The following ROBO2 variants were observed in gnomAD, a reference collection of about 807,000 sequenced individuals.
The protein encoded by ROBO2 is roundabout guidance receptor 2.
ROBO2 carries 53 observed loss-of-function variants against 160.8 expected under a neutral mutation model. The observed-to-expected ratio is 0.33, with a 90% CI of 0.26 to 0.41. The LOEUF (loss-of-function observed/expected upper bound fraction) is 0.41. Among genes scored for constraint, ROBO2 ranks in the 10% least tolerant of loss-of-function variants. The pLI, the probability that ROBO2 is intolerant of heterozygous loss-of-function variation, is 1.00. For missense variants in ROBO2, 1,577 were observed against 1,722.4 expected (o/e 0.92, Z 1.49); for synonymous variants, 664 against 611.7 (o/e 1.09, Z -1.26).
At chr3:76,106,568 C>T (rs1049729315) in intron 2 of ROBO2, among the ~76,000 whole-genome samples, 1 of 151,956 alleles carries the variant, frequency 6.6e-6, no homozygotes, top group Non-Finnish European at 1.5e-5. Context: ...GGATTATGTA[C>T]CTTCAGAGAC....
intron 2 of ROBO2, among the ~76,000 whole-genome samples, chr3:76,634,028 C>T (rs2090176113): frequency 6.6e-6 from 1 of 152,224 alleles, no homozygotes; most frequent in African/African-American, 2.4e-5. Context: ...GGAAAGAATA[C>T]TGTATTCATT....
intron 2 of ROBO2, among the ~76,000 whole-genome samples, chr3:76,687,333 G>A (rs2092706300): frequency 6.6e-6 from 1 of 151,918 alleles, no homozygotes; most frequent in African/African-American, 2.4e-5. Flanking sequence ...CATCATGTGA[G>A]AATTAAATGA....
intron 2 of ROBO2, among the ~76,000 whole-genome samples, chr3:77,376,081 C>T (rs2072607165): frequency 6.6e-6 from 1 of 151,366 alleles, no homozygotes; most frequent in South Asian, 2.1e-4. Context: ...CTACTGGTAG[C>T]AGATCCCATT....
At chr3:76,549,583 C>G (rs1182021732) in intron 2 of ROBO2, among the ~76,000 whole-genome samples, 1 of 152,174 alleles carries the variant, frequency 6.6e-6, no homozygotes, top group African/African-American at 2.4e-5. Context: ...ATGCCTGTAC[C>G]TGAGAATATT....
At chr3:77,476,253 G>A (rs1435138830) in intron 2 of ROBO2, among the ~76,000 whole-genome samples, 6 of 152,096 alleles carry the variant, frequency 3.9e-5, no homozygotes, top group Admixed American at 2.6e-4. Context: ...ATAGGACACG[G>A]AAGGCAGTTG....
At chr3:77,354,922 A>G (rs968946571) in intron 2 of ROBO2, among the ~76,000 whole-genome samples, 1 of 152,224 alleles carries the variant, frequency 6.6e-6, no homozygotes, top group East Asian at 1.9e-4. Context: ...CAAACACGCT[A>G]GAAATACCGA....
At chr3:76,181,252 G>T (rs1241244030) in intron 2 of ROBO2, among the ~76,000 whole-genome samples, 1 of 152,074 alleles carries the variant, frequency 6.6e-6, no homozygotes, top group African/African-American at 2.4e-5. Context: ...TCAAAAAAGA[G>T]AATTATACAC....
chr3:77,247,051 T>G (rs181997870), intron 2 of ROBO2, among the ~76,000 whole-genome samples: 41 of 152,354 alleles, frequency 2.7e-4, no homozygotes, highest in African/African-American at 9.6e-4. Context: ...ATGGGTCAAC[T>G]TTTAAAATAT....
At chr3:76,636,994 C>T (rs1261300540) in intron 2 of ROBO2, among the ~76,000 whole-genome samples, 1 of 151,930 alleles carries the variant, frequency 6.6e-6, no homozygotes, top group East Asian at 1.9e-4. Context: ...GGAGAGTGAG[C>T]CCTGATGATT....
intron 1 of ROBO2, among the ~76,000 whole-genome samples, chr3:77,053,431 C>T (rs1399571303): frequency 6.6e-6 from 1 of 152,078 alleles, no homozygotes; most frequent in Non-Finnish European, 1.5e-5. Context: ...TGAGAACAAA[C>T]AACATGTTAA....
intron 2 of ROBO2, among the ~76,000 whole-genome samples, chr3:76,065,885 A>C (rs1444910824): frequency 4.1e-4 from 63 of 151,896 alleles, no homozygotes; most frequent in African/African-American, 1.5e-3. Context: ...CCTATATTGA[A>C]AAATTGTTCA....
chr3:77,134,517 G>C (rs2076118296), intron 2 of ROBO2, among the ~76,000 whole-genome samples: 1 of 152,158 alleles, frequency 6.6e-6, no homozygotes, highest in African/African-American at 2.4e-5. Context: ...GTTAACTTAG[G>C]ATTGGGTTTT....
At chr3:76,977,505 A>G (rs1459539204) in intron 2 of ROBO2, among the ~76,000 whole-genome samples, 1 of 152,166 alleles carries the variant, frequency 6.6e-6, no homozygotes, top group Non-Finnish European at 1.5e-5. Flanking sequence ...TGGTGCAAAG[A>G]AAAGCTTTGT....
At chr3:76,594,632 C>A (rs1343720942) in intron 2 of ROBO2, among the ~76,000 whole-genome samples, 1 of 151,834 alleles carries the variant, frequency 6.6e-6, no homozygotes, top group Non-Finnish European at 1.5e-5. Flanking sequence ...TCTAACAACT[C>A]CTCTGTCTCC....
chr3:76,840,673 AT>A lies in ROBO2; in HGVS notation c.110-257340del, dbSNP rs1242529768. 2.6e-3 allele frequency among the ~76,000 whole-genome samples: 363 copies of A among 138,528 alleles called. 1 individual carries two copies. The highest frequency in any genetic ancestry group is 4.2e-3 in the Non-Finnish European group (271 of 64,088). 90.9% of individuals were successfully genotyped at this position (138,528 alleles called of 152,430 possible). On this transcript the variant is annotated intron_variant, in intron 2 of 26. Coordinates refer to the ROBO2 transcript ENST00000487694. ...TATATATATATATATATATATATAT[AT>A]AAGATGAAGTAAGAATATGTTATCA...
At chr3:76,859,792 C>G (rs1297079838) in intron 2 of ROBO2, among the ~76,000 whole-genome samples, 1 of 152,166 alleles carries the variant, frequency 6.6e-6, no homozygotes, top group Non-Finnish European at 1.5e-5. Flanking sequence ...ACCATTCTCT[C>G]TCTAGCAGAG....
At chr3:76,429,640 G>C (rs2076357396) in intron 2 of ROBO2, among the ~76,000 whole-genome samples, 1 of 152,020 alleles carries the variant, frequency 6.6e-6, no homozygotes, top group South Asian at 2.1e-4. Context: ...AGCTTCTCTT[G>C]GTCCAATTTA....
chr3:76,663,168 A>C (rs1019357780), intron 2 of ROBO2, among the ~76,000 whole-genome samples: 3 of 152,284 alleles, frequency 2.0e-5, no homozygotes, highest in African/African-American at 7.2e-5. Context: ...GAGACAAAGG[A>C]AAAGAAGAGA....
intron 1 of ROBO2, among the ~76,000 whole-genome samples, chr3:77,048,054 A>G (rs1334805873): frequency 6.6e-6 from 1 of 152,186 alleles, no homozygotes; most frequent in Non-Finnish European, 1.5e-5. Flanking sequence ...CTCAAAAAAA[A>G]AGATATATAT....
Sources: allele counts gnomAD v4.1 joint callset (sites outside exome capture counted in the v4.1 genomes callset), GRCh38; gene constraint gnomAD v4.1.1; transcripts MANE v1.5; gene names NCBI Gene and HGNC (gene_info 2026-07-23, HGNC 2026-07-21).